CLASP1: variants seen among roughly 807,000 people sequenced by gnomAD.
The protein encoded by CLASP1 is CLIP-associating protein 1.
Under a neutral mutation model 192.3 loss-of-function variants are expected in CLASP1, and 38 were observed. The ratio of observed to expected loss-of-function variants is 0.20; its 90% CI spans 0.15 to 0.26. CLASP1 has a LOEUF of 0.26. Ranked by LOEUF, CLASP1 falls within the 10% of genes least tolerant of loss-of-function variation. The pLI is 1.00. For missense variants in CLASP1, 1,433 were observed against 1,932.5 expected (o/e 0.74, Z 4.85); for synonymous variants, 691 against 712.8 (o/e 0.97, Z 0.49).
chr2:121,448,392 A>G (rs2084782192), intron 17 of CLASP1, 67 bp from the exon 18 acceptor site: 1 of 1,292,942 alleles, frequency 7.7e-7, no homozygotes, highest in Admixed American at 1.7e-5. Context: ...TACAAACTAC[A>G]ACAGGAAATT....
At chr2:121,531,643 G>A (rs1456376849) in intron 2 of CLASP1, among the ~76,000 whole-genome samples, 1 of 151,476 alleles carries the variant, frequency 6.6e-6, no homozygotes, top group African/African-American at 2.4e-5. Flanking sequence ...GCCGAGGCGG[G>A]CGGATCAGGA....
intron 23 of CLASP1, among the ~76,000 whole-genome samples, chr2:121,412,614 TCATGCCAG>T (rs1054348965): frequency 1.3e-4 from 20 of 152,030 alleles, no homozygotes; most frequent in Non-Finnish European, 5.9e-5. Flanking sequence ...AAAAAAAATC[TCATGCCAG>T]CAATTCTTGC....
intron 34 of CLASP1, among the ~76,000 whole-genome samples, chr2:121,369,520 T>C (rs2068148044): frequency 6.6e-6 from 1 of 151,066 alleles, no homozygotes; most frequent in Non-Finnish European, 1.5e-5. Flanking sequence ...AAGAGAAGGG[T>C]TTTAAAAATT....
At chr2:121,527,440 G>A (rs2094601112) in intron 5 of CLASP1, among the ~76,000 whole-genome samples, 1 of 152,294 alleles carries the variant, frequency 6.6e-6, no homozygotes, top group East Asian at 1.9e-4. Flanking sequence ...CATAGGGAGG[G>A]AGAACAGATT....
chr2:121,511,076 G>A (rs2094120131), intron 7 of CLASP1, among the ~76,000 whole-genome samples: 1 of 152,096 alleles, frequency 6.6e-6, no homozygotes, highest in African/African-American at 2.4e-5. Flanking sequence ...TATGCAGTAA[G>A]TATACAGACA....
chr2:121,398,456 T>C (rs974147080), intron 28 of CLASP1, 56 bp from the exon 30 acceptor site: 41 of 1,164,818 alleles, frequency 3.5e-5, no homozygotes, highest in Non-Finnish European at 4.7e-5. Context: ...CAAAACAATG[T>C]AAAACTATTT....
rs1015336197 is a variant in CLASP1 at position 121,632,051 on chromosome 2, CAAATA to C, written c.-286+17316_-286+17320del. The stretch of plus-strand genomic sequence containing the variant: ...AACAGAGCAAGACCCCATCTCAAAA[CAAATA>C]AAATAAAATAAAATAAATAAATAAA... On this transcript the variant is annotated intron_variant, in intron 1 of 39. Transcript: ENST00000263710. Among the ~76,000 whole-genome samples, 4 of 151,816 alleles carry C rather than the reference CAAATA, an allele frequency of 2.6e-5. No homozygotes were observed. The East Asian group carries it at 7.7e-4, about 29-fold the overall frequency.
chr2:121,484,196 A>G (rs1333171391), intron 8 of CLASP1, among the ~76,000 whole-genome samples: 1 of 152,216 alleles, frequency 6.6e-6, no homozygotes, highest in Non-Finnish European at 1.5e-5. Flanking sequence ...TACCTATTTG[A>G]TAACTGTCCT....
chr2:121,479,591 TAA>T (rs2092418045), intron 8 of CLASP1, among the ~76,000 whole-genome samples: 1 of 152,194 alleles, frequency 6.6e-6, no homozygotes, highest in Non-Finnish European at 1.5e-5. Context: ...CGAAGTTGGA[TAA>T]ATAGAAAAGT....
chr2:121,610,114 T>C (rs999737475), intron 1 of CLASP1, among the ~76,000 whole-genome samples: 1 of 152,150 alleles, frequency 6.6e-6, no homozygotes, highest in African/African-American at 2.4e-5. Context: ...AAAATAATTG[T>C]ATTTTAAAAT....
In CLASP1 at chr2:121,365,375, G is replaced by A. The variant is rs569573416; in HGVS notation, c.3887-91C>T. 6 of 1,221,526 alleles carry A rather than the reference G, an allele frequency of 4.9e-6. No individual in the cohort carries two copies. In the South Asian group the frequency reaches 6.7e-5, roughly 14 times the overall value. 75.7% of individuals were successfully genotyped at this position (1,221,526 alleles called of 1,614,324 possible). A position where few individuals can be genotyped will look rare whatever the true frequency, so the allele number is the denominator to read the frequency against. On this transcript the variant is annotated intron_variant, in intron 35 of 39. Coordinates refer to ENST00000263710, the Ensembl canonical transcript of CLASP1. ...GGTGCGCAGTGATCCTTCCCTTCCT[G>A]CCTCCTCTCCCAGAGGCGATGCCTC...
intron 36 of CLASP1, chr2:121,364,835 A>G: frequency 6.0e-6 from 3 of 497,470 alleles, no homozygotes; most frequent in South Asian, 4.7e-5. Context: ...AAGCAACTAG[A>G]TGCAGGAATG....
rs377360907 is a variant in CLASP1, at chr2:121,615,316, G to A, written c.-285-9136C>T. On this transcript the variant is annotated intron_variant, in intron 1 of 39. Coordinates refer to ENST00000263710, the Ensembl canonical transcript of CLASP1. ...ATCACGGAACTGCACTCCAGCTTGC[G>A]CGTCAGGAATGAGACTCCATCTCAA... 1.4e-4 allele frequency among the ~76,000 whole-genome samples: 22 copies of A among 152,062 alleles called. No individual in the cohort carries two copies. The South Asian group carries it at 3.9e-3, about 27-fold the overall frequency.
chr2:121,554,700 C>G (rs887269151), intron 2 of CLASP1, among the ~76,000 whole-genome samples: 1 of 152,080 alleles, frequency 6.6e-6, no homozygotes. Flanking sequence ...TCAGTAGAAG[C>G]AGAAAACAGA....
intron 2 of CLASP1, among the ~76,000 whole-genome samples, chr2:121,585,519 A>AAAT (rs2061618791): frequency 6.6e-6 from 1 of 152,174 alleles, no homozygotes; most frequent in South Asian, 2.1e-4. Context: ...CCTGCCCTAA[A>AAAT]CAGGGTATAT....
intron 2 of CLASP1, among the ~76,000 whole-genome samples, chr2:121,543,753 G>A (rs944041349): frequency 1.3e-5 from 2 of 151,960 alleles, no homozygotes; most frequent in African/African-American, 4.8e-5. Flanking sequence ...TCCTTTATAT[G>A]CATACTAAGT....
chr2:121,342,922 AAATT>A (rs1209700674), intron 39 of CLASP1, among the ~76,000 whole-genome samples: 1 of 152,096 alleles, frequency 6.6e-6, no homozygotes, highest in Non-Finnish European at 1.5e-5. Flanking sequence ...GAGTGACCAA[AAATT>A]AATTAATTAA....
At chr2:121,417,846 A>G (rs1197091271) in intron 23 of CLASP1, among the ~76,000 whole-genome samples, 2 of 152,238 alleles carry the variant, frequency 1.3e-5, no homozygotes, top group Admixed American at 6.5e-5. Flanking sequence ...ATAGTTTTCA[A>G]AAGACCAGTT....
chr2:121,373,603 G>C (rs547537275), intron 34 of CLASP1, among the ~76,000 whole-genome samples: 2 of 152,220 alleles, frequency 1.3e-5, no homozygotes, highest in Non-Finnish European at 2.9e-5. Flanking sequence ...AATGCTAATA[G>C]TGATATGGAC....
Sources: allele counts gnomAD v4.1 joint callset (sites outside exome capture counted in the v4.1 genomes callset), GRCh38; gene constraint gnomAD v4.1.1; transcripts MANE v1.5; gene names NCBI Gene and HGNC (gene_info 2026-07-23, HGNC 2026-07-21).